LPIN1: variants seen among roughly 807,000 people sequenced by gnomAD.
LPIN1 encodes the protein phosphatidate phosphatase LPIN1.
Under a neutral mutation model 107.5 loss-of-function variants are expected in LPIN1, and 71 were observed. That is an observed-to-expected ratio of 0.66 (90% CI 0.55 to 0.80). The LOEUF is 0.80. LPIN1 is among the 30% of genes least tolerant of loss of function. The pLI, the probability that LPIN1 is intolerant of heterozygous loss-of-function variation, is 0.00. For missense variants in LPIN1, 1,043 were observed against 1,160.6 expected, an observed-to-expected ratio of 0.90 and a Z score of 1.47; for synonymous variants, 445 against 452.6, an observed-to-expected ratio of 0.98 and a Z score of 0.21.
chr2:11,773,253 TTA>T (rs1672147529), intron 4 of LPIN1, among the ~76,000 whole-genome samples: 1 of 152,238 alleles, frequency 6.6e-6, no homozygotes, highest in South Asian at 2.1e-4. Flanking sequence ...GGCAGGGGTT[TTA>T]TACCGCCCTG....
intron 1 of LPIN1, among the ~76,000 whole-genome samples, chr2:11,738,563 G>A (rs1415498144): frequency 6.6e-6 from 1 of 152,110 alleles, no homozygotes; most frequent in East Asian, 1.9e-4. Flanking sequence ...AGCTGGACAA[G>A]TATGTGAAAC....
At position 11,732,622 on chromosome 2, in the gene LPIN1, C is replaced by T. The variant is rs965708413; in HGVS notation, c.-72+8083C>T. On this transcript the variant is annotated intron_variant, in intron 1 of 21. Transcript: ENST00000396097. Reference sequence around the variant, plus strand: ...GCAGTATTCAATTAATAAATGTAAGCTCCTTTTGTAAATTGCTGTCAGGCC... The same window carrying T: ...GCAGTATTCAATTAATAAATGTAAGTTCCTTTTGTAAATTGCTGTCAGGCC... 2.0e-5 allele frequency among the ~76,000 whole-genome samples: 3 copies of T among 152,156 alleles called. No individual in the cohort carries two copies. The East Asian group carries it at 5.8e-4, about 29-fold the overall frequency.
In LPIN1 at chr2:11,771,935, T is replaced by C. The variant is rs751907232; in HGVS notation, c.596+256T>C. Among the ~76,000 whole-genome samples the C allele has an allele frequency of 4.6e-5, 7 of 152,190 alleles. No homozygotes were observed. The highest frequency in any genetic ancestry group is 7.3e-5 in the Non-Finnish European group (5 of 68,036). Reference sequence around the variant, plus strand: ...TTTCCATTACTATTACATTGTAATATATAATGAAATACTTATACAACTCGC... The same window carrying C: ...TTTCCATTACTATTACATTGTAATACATAATGAAATACTTATACAACTCGC... On this transcript the variant is annotated intron_variant, in intron 4 of 20. Coordinates refer to ENST00000674199, the MANE Select transcript of LPIN1 (RefSeq NM_001349206.2). This position sits in a 1 kb window ranked among gnomAD's most constrained non-coding sequence, Gnocchi z 4.8.
rs142533240 is a variant in LPIN1, at chr2:11,755,374, G to A, written c.-10+8703G>A. 1.3e-3 allele frequency among the ~76,000 whole-genome samples: 195 copies of A among 152,250 alleles called. 2 individuals carry two copies. The highest frequency in any genetic ancestry group is 2.2e-3 in the Non-Finnish European group (149 of 68,032). ...TTGCTGTTTTACACTCTGGAATGTC[G>A]TGATGGGACCAAAAATAAAAGTTTC... On this transcript the variant is annotated intron_variant, in intron 1 of 20. Transcript: ENST00000674199.
At position 11,767,800 on chromosome 2, in the gene LPIN1, A is replaced by C. The variant is rs769976876; in HGVS notation, c.230A>C (p.His77Pro). Residue 77 changes from histidine to proline, a missense_variant, in exon 3 of 21, where the codon CAT becomes CCT. Coordinates refer to ENST00000674199, the MANE Select transcript of LPIN1 (RefSeq NM_001349206.2). ...ATCAATGGGGAATCTGTGGATTTGC[A>C]TATGAAATTGGGAGATAATGGAGAA... ...IEINGESVDL[H>P]MKLGDNGEAF... 6.2e-7 allele frequency: 1 copy of C among 1,613,066 alleles called. No homozygotes were observed. The highest frequency in any genetic ancestry group is 8.5e-7 in the Non-Finnish European group (1 of 1,178,976).
chr2:11,787,382 CTTTTCTTTTCT>C, intron 11 of LPIN1, among the ~76,000 whole-genome samples: 1 of 85,948 alleles, frequency 1.2e-5, no homozygotes, highest in South Asian at 3.2e-4. Context: ...TGTGAGTTTT[CTTTTCTTTTCT>C]TTTTCTTTTT....
chr2:11,785,151 A>G, intron 10 of LPIN1, 75 bp downstream of exon 10: 1 of 1,169,150 alleles, frequency 8.6e-7, no homozygotes, highest in Non-Finnish European at 1.2e-6. Flanking sequence ...TTCTCCAAGG[A>G]GTGCGTGTCA....
intron 2 of LPIN1, among the ~76,000 whole-genome samples, chr2:11,766,539 A>T (rs1670921093): frequency 6.6e-6 from 1 of 152,124 alleles, no homozygotes; most frequent in African/African-American, 2.4e-5. Flanking sequence ...AATAAGCCAC[A>T]GGAGAGGTCG....
chr2:11,813,913 C>T (rs1204644672), intron 17 of LPIN1, among the ~76,000 whole-genome samples: 3 of 150,910 alleles, frequency 2.0e-5, no homozygotes, highest in African/African-American at 7.3e-5. Flanking sequence ...GACTCTGTCT[C>T]GAAAACAAAT....
intron 3 of LPIN1, among the ~76,000 whole-genome samples, 190 bp downstream of exon 3, chr2:11,768,048 A>C (rs1671220027): frequency 6.6e-6 from 1 of 152,160 alleles, no homozygotes; most frequent in Admixed American, 6.5e-5. Flanking sequence ...CTGAGTCCAC[A>C]CAGACTCAGC....
chr2:11,760,876 G>A (rs966541699), intron 1 of LPIN1, among the ~76,000 whole-genome samples: 5 of 152,072 alleles, frequency 3.3e-5, no homozygotes, highest in Middle Eastern at 3.2e-3. Flanking sequence ...CATAGCTCAC[G>A]TGCAAGGGTG....
chr2:11,775,225 T>G (rs1672474681), intron 5 of LPIN1, among the ~76,000 whole-genome samples: 1 of 152,206 alleles, frequency 6.6e-6, no homozygotes, highest in South Asian at 2.1e-4. Flanking sequence ...AGTGCAGATA[T>G]AAGACCTTTC....
intron 17 of LPIN1, among the ~76,000 whole-genome samples, chr2:11,810,255 C>T (rs75273216): frequency 0.01 from 1,539 of 152,258 alleles, 18 homozygotes; most frequent in Non-Finnish European, 0.014. Context: ...GGACATACAT[C>T]AGGAAGTTAA....
intron 18 of LPIN1, chr2:11,819,276 C>G (rs1470585394): frequency 5.3e-6 from 3 of 562,634 alleles, no homozygotes. Flanking sequence ...ATGGCTCATC[C>G]TTGGTGTTTT....
chr2:11,703,333 A>AT, intron 1 of LPIN1, among the ~76,000 whole-genome samples: 1 of 152,276 alleles, frequency 6.6e-6, no homozygotes, highest in Middle Eastern at 3.4e-3. Context: ...TGCCTGGCTC[A>AT]TAGTGACCAA....
intron 1 of LPIN1, 119 bp downstream of exon 1, chr2:11,746,790 C>T (rs1667008581): frequency 2.5e-6 from 1 of 399,076 alleles, no homozygotes; most frequent in Non-Finnish European, 3.4e-6. Context: ...GGCTCGGCCC[C>T]GGGGCCCGAG....
chr2:11,785,145 C>T, intron 10 of LPIN1, 69 bp downstream of exon 10: 1 of 1,211,648 alleles, frequency 8.3e-7, no homozygotes, highest in South Asian at 1.6e-5. Flanking sequence ...TTAGGCTTCT[C>T]CAAGGAGTGC....
At chr2:11,723,928 TCAA>T (rs1312168808), upstream of LPIN1, 1 of 152,210 alleles carries the variant, frequency 6.6e-6, no homozygotes, top group African/African-American at 2.4e-5. Flanking sequence ...CCTTTTTTAT[TCAA>T]CAACATTTAT....
chr2:11,820,726 A>T (rs1681368905), intron 20 of LPIN1, among the ~76,000 whole-genome samples: 1 of 152,230 alleles, frequency 6.6e-6, no homozygotes, highest in Non-Finnish European at 1.5e-5. Context: ...TGGGTCTAAA[A>T]TTTAAACTCG....
Sources: gnomAD v4.1 joint callset for allele counts (sites outside exome capture counted in the v4.1 genomes callset) on GRCh38, gnomAD v4.1.1 for gene constraint, Gnocchi (gnomAD v3.1) non-coding constraint, MANE v1.5 for transcripts, NCBI Gene and HGNC (gene_info 2026-07-23, HGNC 2026-07-21) for gene names.